ESR1: variants seen among roughly 807,000 people sequenced by gnomAD.
The protein encoded by ESR1 is estrogen receptor 1.
Under a neutral mutation model 52.7 loss-of-function variants are expected in ESR1, and 12 were observed. That is an observed-to-expected ratio of 0.23 (90% CI 0.15 to 0.37). The LOEUF (loss-of-function observed/expected upper bound fraction) is 0.37, where lower values mean the gene tolerates loss of function less well. Among genes scored for constraint, ESR1 ranks in the 10% least tolerant of loss-of-function variants. The pLI, the probability that ESR1 is intolerant of heterozygous loss-of-function variation, is 1.00. For missense variants in ESR1, 584 were observed against 779.7 expected (o/e 0.75, Z 2.99); for synonymous variants, 305 against 316.8 (o/e 0.96, Z 0.39).
At chr6:152,118,659 T>C (rs917941035) in intron 6 of ESR1, among the ~76,000 whole-genome samples, 15 of 152,012 alleles carry the variant, frequency 9.9e-5, no homozygotes, top group Non-Finnish European at 1.6e-4. Flanking sequence ...AAATACCTAA[T>C]GCATGCAGGG....
At chr6:152,034,056 C>T (rs967173508) in intron 5 of ESR1, among the ~76,000 whole-genome samples, 1 of 150,636 alleles carries the variant, frequency 6.6e-6, no homozygotes, top group Non-Finnish European at 1.5e-5. Context: ...AAACCAAACA[C>T]CACATGTTCT....
rs140801356 is a variant in ESR1, at chr6:152,082,816, A to G, written c.1370-11569A>G. ...AAATCACAGGCATTCCTGTACACCA[A>G]TAATAGACAAACAGAGAGCCAAATC... On this transcript the variant is annotated intron_variant, in intron 6 of 7. Coordinates refer to ENST00000206249, the MANE Select transcript of ESR1 (RefSeq NM_000125.4). 1.2e-3 allele frequency among the ~76,000 whole-genome samples: 179 copies of G among 152,346 alleles called. 1 individual carries two copies. The highest frequency in any genetic ancestry group is 3.8e-3 in the African/African-American group (157 of 41,580).
At chr6:151,928,368 C>T (rs895189476) in intron 3 of ESR1, among the ~76,000 whole-genome samples, 3 of 152,132 alleles carry the variant, frequency 2.0e-5, no homozygotes, top group Non-Finnish European at 4.4e-5. Context: ...TGGTTTACCC[C>T]GATGATCACA....
rs114862292 is a variant in ESR1, at chr6:152,001,812, T to A, written c.1097-9844T>A. Among the ~76,000 whole-genome samples, 966 of 152,066 alleles carry A rather than the reference T, an allele frequency of 6.4e-3. 8 individuals are homozygous for A. The highest frequency in any genetic ancestry group is 0.022 in the African/African-American group (918 of 41,520). ...TCTCTCTCTTTGTTGCTGAAATTTG[T>A]GTAGGATAATGGAATGAATATGGGA... On this transcript the variant is annotated intron_variant, in intron 4 of 7. Coordinates refer to ENST00000206249, the MANE Select transcript of ESR1 (RefSeq NM_000125.4).
intron 5 of ESR1, among the ~76,000 whole-genome samples, chr6:152,022,822 T>C (rs3020415): frequency 3.3e-5 from 5 of 150,860 alleles, no homozygotes; most frequent in African/African-American, 1.2e-4. Flanking sequence ...AAATAAAAAT[T>C]AAAAATTAGC....
chr6:151,945,307 T>C (rs1349328635), intron 4 of ESR1, among the ~76,000 whole-genome samples: 1 of 152,202 alleles, frequency 6.6e-6, no homozygotes, highest in Admixed American at 6.5e-5. Flanking sequence ...ATGCCAATTA[T>C]TTATCCAACC....
At chr6:151,835,175 G>T (rs1326943366) in intron 1 of ESR1, among the ~76,000 whole-genome samples, 1 of 152,000 alleles carries the variant, frequency 6.6e-6, no homozygotes, top group Non-Finnish European at 1.5e-5. Context: ...AGATCATAGG[G>T]GCAAAATGGG....
chr6:152,092,598 G>A (rs981070457), intron 6 of ESR1, among the ~76,000 whole-genome samples: 1 of 152,178 alleles, frequency 6.6e-6, no homozygotes, highest in African/African-American at 2.4e-5. Flanking sequence ...TTTGTGAGAT[G>A]GTCAGTGGGC....
chr6:151,926,234 G>C (rs1054616039), intron 3 of ESR1, among the ~76,000 whole-genome samples: 1 of 152,068 alleles, frequency 6.6e-6, no homozygotes, highest in African/African-American at 2.4e-5. Context: ...CTTTATTACT[G>C]TAGCCTTTAT....
At chr6:151,696,437 A>C (rs1031268908) in intron 1 of ESR1, among the ~76,000 whole-genome samples, 15 of 151,880 alleles carry the variant, frequency 9.9e-5, no homozygotes, top group Non-Finnish European at 1.6e-4. Context: ...ACACCACTGC[A>C]CTCCAGCCTG....
intron 2 of ESR1, among the ~76,000 whole-genome samples, chr6:151,718,516 G>A (rs1465366273): frequency 6.6e-6 from 1 of 152,150 alleles, no homozygotes; most frequent in Non-Finnish European, 1.5e-5. Flanking sequence ...TATCGTATTA[G>A]TGTGAAAAAT....
intron 2 of ESR1, among the ~76,000 whole-genome samples, chr6:151,876,544 T>C (rs953758833): frequency 3.9e-5 from 6 of 152,180 alleles, no homozygotes; most frequent in African/African-American, 7.2e-5. Flanking sequence ...ATGCAGACTT[T>C]CTGTGTAATG....
rs758015198 is a variant in ESR1 at position 152,098,849 on chromosome 6, G to A, written c.1671G>A (p.Gly557=). The stretch of plus-strand genomic sequence containing the variant: ...TACATGCGCCCACTAGCCGTGGAGG[G>A]GCATCCGTGGAGGAGACGGACCAAA... ...HRLHAPTSRG[G]ASVEETDQSH... is the part of the protein sequence containing the mutation. The change falls in exon 8 of 8, where the codon GGG becomes GGA. Residue 557 remains glycine, a synonymous_variant. Coordinates refer to ENST00000206249, the MANE Select transcript of ESR1 (RefSeq NM_000125.4). The surrounding 1 kb of genome is among the most constrained non-coding windows in gnomAD (Gnocchi z 5.1). The A allele has an allele frequency of 1.2e-6, 2 of 1,614,192 alleles. No homozygotes were observed. The highest frequency in any genetic ancestry group is 3.3e-5 in the Admixed American group (2 of 60,022).
At chr6:151,986,883 C>T (rs2040533332) in intron 4 of ESR1, among the ~76,000 whole-genome samples, 1 of 152,000 alleles carries the variant, frequency 6.6e-6, no homozygotes, top group South Asian at 2.1e-4. Flanking sequence ...GTTGTATGCT[C>T]ACGGAGTATG....
chr6:151,736,644 G>T (rs921126779), intron 2 of ESR1, among the ~76,000 whole-genome samples: 1 of 152,088 alleles, frequency 6.6e-6, no homozygotes, highest in South Asian at 2.1e-4. Context: ...CTCCTAAAGT[G>T]CTGGTATTAC....
At chr6:151,722,571 A>C (rs1781539053) in intron 2 of ESR1, among the ~76,000 whole-genome samples, 1 of 152,202 alleles carries the variant, frequency 6.6e-6, no homozygotes, top group Admixed American at 6.5e-5. Context: ...AGTCTCCAAA[A>C]CCATTGTCTT....
chr6:152,061,003 A>C lies in ESR1; in HGVS notation c.1248A>C (p.Lys416Asn). ...PNLLLDRNQG[K>N]CVEGMVEIFD... ...TATGTTTTCATAGGAACCAGGGAAAATGTGTAGAGGGCATGGTGGAGATCT... is the reference window on the plus strand; with the variant it reads ...TATGTTTTCATAGGAACCAGGGAAACTGTGTAGAGGGCATGGTGGAGATCT... Residue 416 changes from lysine (K) to asparagine (N), a missense_variant, in exon 6 of 8, where the codon AAA becomes AAC. This residue lies in a region of ESR1 where 141 missense variants were observed against 289.3 expected (regional missense o/e 0.49). Coordinates refer to ENST00000206249, the MANE Select transcript of ESR1 (RefSeq NM_000125.4). The surrounding 1 kb of genome is among the most constrained non-coding windows in gnomAD (Gnocchi z 4.3). 6.2e-7 allele frequency: 1 copy of C among 1,609,992 alleles called. No homozygotes were observed. The highest frequency in any genetic ancestry group is 1.1e-5 in the South Asian group (1 of 90,522).
chr6:151,838,113 T>C (rs2128226176), intron 1 of ESR1, among the ~76,000 whole-genome samples: 1 of 152,224 alleles, frequency 6.6e-6, no homozygotes, highest in African/African-American at 2.4e-5. Flanking sequence ...GGTCCTTCTG[T>C]CCCAGCCTCC....
intron 2 of ESR1, among the ~76,000 whole-genome samples, chr6:151,860,497 T>C (rs1788674126): frequency 6.6e-6 from 1 of 152,182 alleles, no homozygotes; most frequent in African/African-American, 2.4e-5. Context: ...GTGATATATG[T>C]ATATATAATT....
Sources: gnomAD v4.1 joint callset for allele counts (sites outside exome capture counted in the v4.1 genomes callset) on GRCh38, gnomAD v4.1.1 for gene constraint, gnomAD v4.1.1 regional missense constraint, Gnocchi (gnomAD v3.1) non-coding constraint, MANE v1.5 for transcripts, NCBI Gene and HGNC (gene_info 2026-07-23, HGNC 2026-07-21) for gene names.